The following RBFOX1 variants were observed in gnomAD, a reference collection of about 807,000 sequenced individuals.
RBFOX1 encodes RNA binding fox-1 homolog 1.
RBFOX1 carries 8 observed loss-of-function variants against 57.7 expected under a neutral mutation model. The ratio of observed to expected loss-of-function variants is 0.14; its 90% CI spans 0.08 to 0.25. RBFOX1 has a LOEUF of 0.25. RBFOX1 is among the 10% of genes least tolerant of loss of function. The pLI is 1.00. For synonymous variants in RBFOX1, 326 were observed against 222.4 expected (o/e 1.47, Z -4.15); for missense variants, 611 against 548.5 (o/e 1.11, Z -1.14).
At chr16:7,581,969 G>C (rs1041713245) in intron 6 of RBFOX1, among the ~76,000 whole-genome samples, 2 of 151,726 alleles carry the variant, frequency 1.3e-5, no homozygotes, top group African/African-American at 4.8e-5. Context: ...CTCCCGCCTT[G>C]GCCTCCCAAT....
intron 2 of RBFOX1, chr16:6,484,048 G>T: frequency 1.6e-5 from 9 of 572,852 alleles, no homozygotes; most frequent in Non-Finnish European, 2.0e-5. Flanking sequence ...GGAGCCCGGA[G>T]ATGCATCGAT....
chr16:7,371,161 C>T (rs894763055), intron 4 of RBFOX1, among the ~76,000 whole-genome samples: 4 of 152,174 alleles, frequency 2.6e-5, no homozygotes. Context: ...TTCTCCCTCC[C>T]AAACTGGCCC....
intron 4 of RBFOX1, among the ~76,000 whole-genome samples, chr16:7,165,957 CACACACACAT>C (rs1187153334): frequency 2.0e-5 from 2 of 99,654 alleles, no homozygotes; most frequent in African/African-American, 8.8e-5. Context: ...CACACACACA[CACACACACAT>C]ACATACATAC....
chr16:6,122,741 G>A (rs1409295605), intron 1 of RBFOX1, among the ~76,000 whole-genome samples: 3 of 151,828 alleles, frequency 2.0e-5, no homozygotes, highest in Admixed American at 6.6e-5. Flanking sequence ...AAAAAGCCAC[G>A]GGACCTTTGT....
intron 4 of RBFOX1, among the ~76,000 whole-genome samples, chr16:7,363,283 A>G (rs563619640): frequency 6.6e-6 from 1 of 152,226 alleles, no homozygotes; most frequent in African/African-American, 2.4e-5. Context: ...AAACCTGTCA[A>G]GCTGTTGAGA....
At chr16:5,622,688 T>C (rs2048235052) in intron 3 of RBFOX1, among the ~76,000 whole-genome samples, 1 of 152,268 alleles carries the variant, frequency 6.6e-6, no homozygotes, top group Non-Finnish European at 1.5e-5. Flanking sequence ...CATTTATGTA[T>C]TGTGGCTTTC....
intron 2 of RBFOX1, among the ~76,000 whole-genome samples, chr16:6,410,780 A>G (rs1302009729): frequency 6.6e-6 from 1 of 152,210 alleles, no homozygotes; most frequent in Non-Finnish European, 1.5e-5. Context: ...TCAGTGGAAC[A>G]TGCTGTGTAG....
chr16:6,950,233 C>T (rs953413675), intron 3 of RBFOX1, among the ~76,000 whole-genome samples: 4 of 151,068 alleles, frequency 2.6e-5, no homozygotes, highest in African/African-American at 4.9e-5. Context: ...GCCGGGATTA[C>T]AGGCATGAGC....
chr16:6,663,249 C>T (rs2098712340), intron 3 of RBFOX1, among the ~76,000 whole-genome samples: 1 of 152,164 alleles, frequency 6.6e-6, no homozygotes, highest in African/African-American at 2.4e-5. Context: ...TGAATGTCTC[C>T]ACCCAGGAAC....
chr16:7,014,477 C>A (rs2093807533), intron 3 of RBFOX1, among the ~76,000 whole-genome samples: 1 of 151,734 alleles, frequency 6.6e-6, no homozygotes, highest in African/African-American at 2.4e-5. Context: ...GAACTCCTGA[C>A]CTCAGGTGAT....
At chr16:7,278,103 A>G (rs986885582) in intron 4 of RBFOX1, among the ~76,000 whole-genome samples, 14 of 152,178 alleles carry the variant, frequency 9.2e-5, no homozygotes, top group African/African-American at 2.7e-4. Flanking sequence ...TAATGAATCC[A>G]TAGTGGTATT....
At chr16:7,303,218 A>G (rs2096074614) in intron 4 of RBFOX1, among the ~76,000 whole-genome samples, 1 of 152,254 alleles carries the variant, frequency 6.6e-6, no homozygotes, top group South Asian at 2.1e-4. Context: ...GGCGAGGCAC[A>G]GAGCGAAAGC....
rs57096117 is a variant in RBFOX1, at chr16:5,989,015, T to A, written c.351+121680T>A. Reference sequence around the variant, plus strand: ...GGATTCCAAATTGCTTTTCTTTAAATGGTAAGATAAAAACTTAATTACAAG... The same window carrying A: ...GGATTCCAAATTGCTTTTCTTTAAAAGGTAAGATAAAAACTTAATTACAAG... On this transcript the variant is annotated intron_variant, in intron 4 of 19. Transcript: ENST00000641259. 8.5e-3 allele frequency among the ~76,000 whole-genome samples: 1,298 copies of A among 152,126 alleles called. 26 individuals are homozygous for A. Among genetic ancestry groups the A allele is most frequent in the African/African-American group, 0.03 (1,229 of 41,506 alleles).
intron 1 of RBFOX1, among the ~76,000 whole-genome samples, chr16:6,065,399 G>A (rs1475737605): frequency 6.6e-6 from 1 of 152,066 alleles, no homozygotes; most frequent in African/African-American, 2.4e-5. Context: ...GGTGGTCACA[G>A]TTTCAGTGCT....
intron 4 of RBFOX1, among the ~76,000 whole-genome samples, chr16:7,088,637 A>G (rs569826198): frequency 6.6e-6 from 1 of 152,344 alleles, no homozygotes; most frequent in South Asian, 2.1e-4. Context: ...GCAAGAAAAA[A>G]ATAGTAATCT....
intron 4 of RBFOX1, among the ~76,000 whole-genome samples, chr16:7,377,619 T>C (rs1341574872): frequency 2.0e-5 from 3 of 152,346 alleles, no homozygotes; most frequent in African/African-American, 7.2e-5. Flanking sequence ...TATAACTTTA[T>C]AGCGCTTGAA....
chr16:5,645,448 G>C (rs531388400), intron 3 of RBFOX1, among the ~76,000 whole-genome samples: 1 of 152,278 alleles, frequency 6.6e-6, no homozygotes, highest in East Asian at 1.9e-4. Context: ...GAGTGATAAT[G>C]TTTGGGAATT....
chr16:6,305,043 C>T (rs2079319921), intron 1 of RBFOX1, among the ~76,000 whole-genome samples: 2 of 152,136 alleles, frequency 1.3e-5, no homozygotes, highest in Admixed American at 6.5e-5. Context: ...AGAGGAGCTT[C>T]CTGTGTGTGT....
chr16:6,626,939 T>C (rs1207105566), intron 2 of RBFOX1, among the ~76,000 whole-genome samples: 1 of 152,168 alleles, frequency 6.6e-6, no homozygotes, highest in Admixed American at 6.5e-5. Flanking sequence ...ATTGTTATGA[T>C]AGCCTAAATA....
Sources: gnomAD v4.1 joint callset for allele counts (sites outside exome capture counted in the v4.1 genomes callset) on GRCh38, gnomAD v4.1.1 for gene constraint, MANE v1.5 for transcripts, NCBI Gene and HGNC (gene_info 2026-07-23, HGNC 2026-07-21) for gene names.